The following RRAGD variants were observed in gnomAD, a reference collection of about 807,000 sequenced individuals.
The protein encoded by RRAGD is Ras related GTP binding D, also known as ras-related GTP-binding protein D.
Under a neutral mutation model 35.5 loss-of-function variants are expected in RRAGD, and 12 were observed. The ratio of observed to expected loss-of-function variants is 0.34; its 90% CI spans 0.22 to 0.55. The LOEUF (loss-of-function observed/expected upper bound fraction) is 0.55, where lower values mean the gene tolerates loss of function less well. RRAGD is among the 20% of genes least tolerant of loss of function. RRAGD has a pLI of 0.91. For synonymous variants in RRAGD, 155 were observed against 178.9 expected (o/e 0.87, Z 1.07); for missense variants, 324 against 490.1 (o/e 0.66, Z 3.20).
At chr6:89,371,909 T>C (rs958649514) in intron 6 of RRAGD, among the ~76,000 whole-genome samples, 2 of 152,224 alleles carry the variant, frequency 1.3e-5, no homozygotes, top group African/African-American at 4.8e-5. Flanking sequence ...TGGTCTTCCC[T>C]TTCCGGAATC....
In RRAGD at chr6:89,379,168, TG is replaced by T. The variant is rs1769000585; in HGVS notation, c.759+55del. On this transcript the variant is annotated intron_variant, in intron 4 of 6. Transcript: ENST00000369415. ...TCGGAAATAAGATCTTTTTCACTCTTGCAATGTTATTTTCAAATTCTACAAG... is the reference window on the plus strand; with the variant it reads ...TCGGAAATAAGATCTTTTTCACTCTTCAATGTTATTTTCAAATTCTACAAG... 5.7e-6 allele frequency: 5 copies of T among 883,168 alleles called. No individual in the cohort carries two copies. In the Admixed American group the frequency reaches 1.2e-4, roughly 21 times the overall value. 54.7% of individuals were successfully genotyped at this position (883,168 alleles called of 1,614,324 possible). A position where few individuals can be genotyped will look rare whatever the true frequency, so the allele number is the denominator to read the frequency against.
rs112998985 is a variant in RRAGD, at chr6:89,411,893, C to T, written c.101G>A (p.Gly34Glu). 1.3e-6 allele frequency: 2 copies of T among 1,546,628 alleles called. No homozygotes were observed. Among genetic ancestry groups the T allele is most frequent in the Admixed American group, 1.9e-5 (1 of 51,712 alleles). The change falls in exon 1 of 7, where the codon GGG becomes GAG. Residue 34 changes from glycine to glutamate, a missense_variant. Gly to Glu is a moderately conservative substitution (Grantham distance 98). Coordinates refer to ENST00000369415, the MANE Select transcript of RRAGD (RefSeq NM_021244.5). This position sits in a 1 kb window ranked among gnomAD's most constrained non-coding sequence, Gnocchi z 5.6. ...ELVGLADYGD[G>E]PDSSDADPDS... The stretch of plus-strand genomic sequence containing the variant: ...CGGATCGGCGTCGGAGGAGTCGGGC[C>T]CGTCTCCGTAGTCCGCTAGCCCCAC...
chr6:89,394,386 TATC>T (rs1769293306), intron 1 of RRAGD, among the ~76,000 whole-genome samples: 2 of 152,132 alleles, frequency 1.3e-5, no homozygotes, highest in Non-Finnish European at 2.9e-5. Context: ...ATCAGATGCT[TATC>T]AACAACACAG....
intron 2 of RRAGD, among the ~76,000 whole-genome samples, chr6:89,384,554 C>T (rs547209131): frequency 3.9e-5 from 6 of 152,114 alleles, no homozygotes; most frequent in African/African-American, 9.6e-5. Context: ...TGGTGGCTCA[C>T]GCCTGTAATC....
chr6:89,412,011 C>T lies in RRAGD; in HGVS notation c.-18G>A, dbSNP rs1448608388. On this transcript the variant is annotated 5_prime_UTR_variant, in exon 1 of 7. Transcript: ENST00000369415. The surrounding 1 kb of genome is among the most constrained non-coding windows in gnomAD (Gnocchi z 4.2). ...TGGCTCATCGTGCCCACCGGCCGGC[C>T]GGCCCGGGGACGGCGGGGGTCCCGG... 6 of 1,523,370 alleles carry T rather than the reference C, an allele frequency of 3.9e-6. No homozygotes were observed. In the East Asian group the frequency reaches 7.6e-5, roughly 19 times the overall value. 94.4% of individuals were successfully genotyped at this position (1,523,370 alleles called of 1,614,324 possible). A position where few individuals can be genotyped will look rare whatever the true frequency, so the allele number is the denominator to read the frequency against.
At chr6:89,372,655 A>G (rs1768873968) in intron 5 of RRAGD, 70 bp from the exon 6 acceptor site, 9 of 1,451,558 alleles carry the variant, frequency 6.2e-6, no homozygotes, top group African/African-American at 1.4e-5. Flanking sequence ...CAGTGACAAG[A>G]GACCGGCTTT....
intron 1 of RRAGD, among the ~76,000 whole-genome samples, chr6:89,393,589 C>A (rs1769276917): frequency 6.6e-6 from 1 of 152,222 alleles, no homozygotes; most frequent in African/African-American, 2.4e-5. Context: ...AGTCCTCTCA[C>A]CTCTCCTAAC....
At position 89,387,333 on chromosome 6, in the gene RRAGD, G is replaced by A. The variant is rs140083833; in HGVS notation, c.406C>T (p.Arg136Trp). 2.5e-6 allele frequency: 4 copies of A among 1,614,100 alleles called. No individual in the cohort carries two copies. Among genetic ancestry groups the A allele is most frequent in the South Asian group, 1.1e-5 (1 of 91,074 alleles). Residue 136 changes from arginine to tryptophan, a missense_variant, in exon 2 of 7, where the codon CGG becomes TGG. Arg to Trp is a moderately radical substitution (Grantham distance 101). Around this residue, in one of 5 missense-constraint regions of RRAGD, gnomAD observed 152 missense variants for 296.9 expected, o/e 0.51. Coordinates refer to ENST00000369415, the MANE Select transcript of RRAGD (RefSeq NM_021244.5). ...ACAAATATCAGTGCTCCTGTTCCCC[G>A]GAAGATCATCTCATAGTCAAATGTA... ...DPTFDYEMIF[R>W]GTGALIFVID...
chr6:89,382,666 G>A (rs1769066632), intron 2 of RRAGD, among the ~76,000 whole-genome samples: 1 of 151,864 alleles, frequency 6.6e-6, no homozygotes, highest in Non-Finnish European at 1.5e-5. Context: ...ACGAGGTCAG[G>A]AGTTCGAGAC....
At position 89,402,809 on chromosome 6, in the gene RRAGD, T is replaced by C. The variant is rs538005640; in HGVS notation, c.148+9037A>G. ...GATGGTCCTTTTCCCCCTGACCTCGTTGGGTGAAAGTGAGGGCATGTTTGA... is the reference window on the plus strand; with the variant it reads ...GATGGTCCTTTTCCCCCTGACCTCGCTGGGTGAAAGTGAGGGCATGTTTGA... On this transcript the variant is annotated intron_variant, in intron 1 of 6. Coordinates refer to ENST00000369415, the MANE Select transcript of RRAGD (RefSeq NM_021244.5). Among the ~76,000 whole-genome samples the C allele has an allele frequency of 3.5e-3, 540 of 152,306 alleles. 3 individuals carry two copies. The highest frequency in any genetic ancestry group is 0.011 in the African/African-American group (451 of 41,564).
rs77941823 is a variant in RRAGD at position 89,374,375 on chromosome 6, T to G, written c.903-1790A>C. On this transcript the variant is annotated intron_variant, in intron 5 of 6. Transcript: ENST00000369415. The stretch of plus-strand genomic sequence containing the variant: ...GAAAAGCCTGAATTGCACAAGAGTA[T>G]TTTTAGGAAATGTAGGTTTTTAGTT... 4.9e-3 allele frequency among the ~76,000 whole-genome samples: 744 copies of G among 152,270 alleles called. 7 individuals are homozygous for G. Among genetic ancestry groups the G allele is most frequent in the African/African-American group, 0.016 (678 of 41,554 alleles).
intron 2 of RRAGD, among the ~76,000 whole-genome samples, chr6:89,384,869 A>G (rs1408022355): frequency 1.3e-5 from 2 of 151,844 alleles, no homozygotes; most frequent in Non-Finnish European, 2.9e-5. Flanking sequence ...AAACATTCCT[A>G]TATCTTTCTC....
At chr6:89,384,111 A>AG (rs1389110744) in intron 2 of RRAGD, among the ~76,000 whole-genome samples, 3 of 151,976 alleles carry the variant, frequency 2.0e-5, no homozygotes, top group African/African-American at 7.3e-5. Context: ...AAAAAAAAAA[A>AG]AAAAGAAAGA....
chr6:89,367,790 T>C lies in RRAGD; in HGVS notation c.*266A>G. ...AATTCCTGGCAGTTCTCACACGGGA[T>C]TTTTTTGACTACAGACCATAAAAGT... is the stretch of plus-strand genomic sequence containing the variant. On this transcript the variant is annotated 3_prime_UTR_variant, in exon 7 of 7. Coordinates refer to ENST00000369415, the MANE Select transcript of RRAGD (RefSeq NM_021244.5). 3.1e-6 allele frequency: 1 copy of C among 324,422 alleles called. No homozygotes were observed. Among genetic ancestry groups the C allele is most frequent in the Non-Finnish European group, 5.5e-6 (1 of 180,242 alleles). 20.1% of individuals were successfully genotyped at this position (324,422 alleles called of 1,614,324 possible).
chr6:89,384,346 G>T (rs1038731121), intron 2 of RRAGD, among the ~76,000 whole-genome samples: 2 of 152,148 alleles, frequency 1.3e-5, no homozygotes, highest in Admixed American at 6.5e-5. Flanking sequence ...TTTATGTGTG[G>T]TTTTTTTCTC....
At chr6:89,382,400 A>AATAT (rs58343827) in intron 2 of RRAGD, among the ~76,000 whole-genome samples, 2,676 of 130,782 alleles carry the variant, frequency 0.02, 74 homozygotes, top group African/African-American at 0.034. Context: ...TATCTCTAGA[A>AATAT]ATATATATAT....
intron 1 of RRAGD, 146 bp from the exon 2 acceptor site, chr6:89,387,736 AC>A: frequency 2.5e-6 from 2 of 801,952 alleles, no homozygotes; most frequent in South Asian, 1.7e-5. Flanking sequence ...CTCCACTTAA[AC>A]CCCAAGTCTT....
At chr6:89,396,366 T>C (rs1478275843) in intron 1 of RRAGD, among the ~76,000 whole-genome samples, 1 of 152,072 alleles carries the variant, frequency 6.6e-6, no homozygotes, top group East Asian at 1.9e-4. Flanking sequence ...GGGACTTGTA[T>C]GCAGAATATA....
At chr6:89,393,299 G>A (rs1769271973) in intron 1 of RRAGD, among the ~76,000 whole-genome samples, 1 of 152,212 alleles carries the variant, frequency 6.6e-6, no homozygotes, top group Non-Finnish European at 1.5e-5. Flanking sequence ...ACTATGAATG[G>A]CAGAGTTCTG....
Sources: allele counts gnomAD v4.1 joint callset (sites outside exome capture counted in the v4.1 genomes callset), GRCh38; gene constraint gnomAD v4.1.1; regional missense constraint gnomAD v4.1.1; non-coding constraint Gnocchi (gnomAD v3.1); transcripts MANE v1.5; gene names NCBI Gene and HGNC (gene_info 2026-07-23, HGNC 2026-07-21).